DPYD: variants seen among roughly 807,000 people sequenced by gnomAD.
DPYD encodes the protein dihydropyrimidine dehydrogenase [NADP(+)].
A neutral mutation model predicts 116.2 loss-of-function variants in DPYD; 109 were observed. That is an observed-to-expected ratio of 0.94 (90% CI 0.80 to 1.10). The LOEUF (loss-of-function observed/expected upper bound fraction) is 1.10. DPYD is among the 50% of genes least tolerant of loss of function. The pLI, the probability that DPYD is intolerant of heterozygous loss-of-function variation, is 0.00. For synonymous variants in DPYD, 440 were observed against 432.0 expected, an observed-to-expected ratio of 1.02 and a Z score of -0.23; for missense variants, 1,302 against 1,254.5, an observed-to-expected ratio of 1.04 and a Z score of -0.57.
At chr1:97,572,387 C>A (rs919295695) in intron 11 of DPYD, among the ~76,000 whole-genome samples, 3 of 151,894 alleles carry the variant, frequency 2.0e-5, no homozygotes, top group South Asian at 4.1e-4. Flanking sequence ...GTTTTCTGAG[C>A]CAAATCTGTT....
chr1:97,135,169 A>G (rs546208626), intron 20 of DPYD, among the ~76,000 whole-genome samples: 3 of 152,288 alleles, frequency 2.0e-5, no homozygotes, highest in East Asian at 3.9e-4. Flanking sequence ...GAGTTGATTT[A>G]GCTAATCCTT....
intron 3 of DPYD, among the ~76,000 whole-genome samples, chr1:97,810,428 T>G (rs1456841331): frequency 6.6e-6 from 1 of 152,070 alleles, no homozygotes; most frequent in Non-Finnish European, 1.5e-5. Flanking sequence ...TCCCTTTAAT[T>G]ACACATTAAA....
chr1:97,444,301 G>C (rs1675955520), intron 14 of DPYD, among the ~76,000 whole-genome samples: 1 of 152,116 alleles, frequency 6.6e-6, no homozygotes. Flanking sequence ...GTAATGGAAA[G>C]CCTTCCTGGC....
intron 7 of DPYD, among the ~76,000 whole-genome samples, chr1:97,686,497 C>T (rs112203267): frequency 6.6e-6 from 1 of 151,256 alleles, no homozygotes; most frequent in African/African-American, 2.4e-5. Flanking sequence ...ATTAGCCGGG[C>T]GTGGTAGCGG....
In DPYD at chr1:97,847,084, G is replaced by C. The variant is rs183305425; in HGVS notation, c.151-18888C>G. Among the ~76,000 whole-genome samples, 24 of 152,242 alleles carry C rather than the reference G, an allele frequency of 1.6e-4. No homozygotes were observed. In the East Asian group the frequency reaches 4.6e-3, roughly 29 times the overall value. On this transcript the variant is annotated intron_variant, in intron 2 of 22. Transcript: ENST00000370192. Reference sequence around the variant, plus strand: ...TCATTTATTTCCAACGGATTGCCATGAATTTAGAACTGGACTATGTGAATT... The same window carrying C: ...TCATTTATTTCCAACGGATTGCCATCAATTTAGAACTGGACTATGTGAATT...
At chr1:97,356,612 C>G (rs954332796) in intron 16 of DPYD, among the ~76,000 whole-genome samples, 3 of 152,172 alleles carry the variant, frequency 2.0e-5, no homozygotes, top group African/African-American at 7.2e-5. Flanking sequence ...ATATTGTGCA[C>G]TTTTTCTCCT....
At chr1:97,164,253 A>T (rs895890754) in intron 20 of DPYD, among the ~76,000 whole-genome samples, 1 of 152,212 alleles carries the variant, frequency 6.6e-6, no homozygotes, top group Non-Finnish European at 1.5e-5. Context: ...CTCTCAATAA[A>T]CTAGGTATTG....
intron 19 of DPYD, among the ~76,000 whole-genome samples, chr1:97,221,059 A>G (rs1660739560): frequency 6.6e-6 from 1 of 152,230 alleles, no homozygotes; most frequent in Non-Finnish European, 1.5e-5. Flanking sequence ...AAGAATGTTC[A>G]GAATTCAAAA....
In DPYD at chr1:97,863,309, G is replaced by C. The variant is rs144483395; in HGVS notation, c.150+19955C>G. ...CTATAAAGTAAAGGTCTGAAAAAGG[G>C]AAGGGAAACAGCAGTTACTATTTGG... On this transcript the variant is annotated intron_variant, in intron 2 of 22. Transcript: ENST00000370192. 7.0e-3 allele frequency among the ~76,000 whole-genome samples: 1,063 copies of C among 152,014 alleles called. 10 individuals carry two copies. Among genetic ancestry groups the C allele is most frequent in the Non-Finnish European group, 0.012 (801 of 67,906 alleles).
At chr1:97,830,085 TTTTTATGGCTGCAA>T (rs1424824413) in intron 2 of DPYD, among the ~76,000 whole-genome samples, 6 of 152,186 alleles carry the variant, frequency 3.9e-5, no homozygotes. Flanking sequence ...AATTCATCCT[TTTTTATGGCTGCAA>T]AGTATTCCAT....
At chr1:97,239,060 T>C (rs1251761412) in intron 18 of DPYD, among the ~76,000 whole-genome samples, 1 of 152,220 alleles carries the variant, frequency 6.6e-6, no homozygotes, top group African/African-American at 2.4e-5. Context: ...TTGCATTATG[T>C]GGCTCTTGTG....
chr1:97,635,828 CTTT>C (rs1019944874), intron 8 of DPYD, among the ~76,000 whole-genome samples: 2 of 152,024 alleles, frequency 1.3e-5, no homozygotes, highest in African/African-American at 4.8e-5. Flanking sequence ...TTGTTTGCTT[CTTT>C]GTTTTTGAGA....
chr1:97,621,923 T>C (rs1218583105), intron 8 of DPYD, among the ~76,000 whole-genome samples: 1 of 151,948 alleles, frequency 6.6e-6, no homozygotes, highest in East Asian at 1.9e-4. Context: ...GCCAGAACAA[T>C]TTGAGCAACA....
At chr1:97,690,848 A>C (rs1213564183) in intron 7 of DPYD, among the ~76,000 whole-genome samples, 1 of 152,062 alleles carries the variant, frequency 6.6e-6, no homozygotes, top group Non-Finnish European at 1.5e-5. Context: ...GCCACTGTCA[A>C]TTAAAACGTA....
In DPYD at chr1:97,160,234, A is replaced by G. The variant is rs1048769485; in HGVS notation, c.2622+32835T>C. On this transcript the variant is annotated intron_variant, in intron 20 of 22. Coordinates refer to ENST00000370192, the MANE Select transcript of DPYD (RefSeq NM_000110.4). ...AATTAAAGCAGAAAATTATTTTATA[A>G]AAATAGGTGAAAAAGAAAAACAACA... Among the ~76,000 whole-genome samples, 6 of 152,102 alleles carry G rather than the reference A, an allele frequency of 3.9e-5. No individual in the cohort carries two copies. The South Asian group carries it at 1.0e-3, about 26-fold the overall frequency.
At chr1:97,405,729 G>T (rs754127792) in intron 14 of DPYD, among the ~76,000 whole-genome samples, 2 of 152,030 alleles carry the variant, frequency 1.3e-5, no homozygotes, top group Non-Finnish European at 2.9e-5. Flanking sequence ...TGGCCAGGCT[G>T]GTCTCTTAAA....
chr1:97,333,186 T>G (rs1277513505), intron 16 of DPYD, among the ~76,000 whole-genome samples: 1 of 151,694 alleles, frequency 6.6e-6, no homozygotes, highest in Non-Finnish European at 1.5e-5. Flanking sequence ...GGCTCCCAAG[T>G]AGCTGGGACT....
intron 14 of DPYD, among the ~76,000 whole-genome samples, chr1:97,413,844 C>G (rs1002148116): frequency 7.9e-5 from 12 of 151,724 alleles, no homozygotes; most frequent in South Asian, 2.1e-4. Context: ...TTTTTTTCAA[C>G]ATATTTTCAT....
chr1:97,748,540 CGGAGGTTGCAAT>C (rs1436150551), intron 3 of DPYD, among the ~76,000 whole-genome samples: 2 of 151,892 alleles, frequency 1.3e-5, no homozygotes, highest in Admixed American at 1.3e-4. Context: ...ACCTGGGAGG[CGGAGGTTGCAAT>C]GAGCTGAGAT....
Sources: gnomAD v4.1 joint callset for allele counts (sites outside exome capture counted in the v4.1 genomes callset) on GRCh38, gnomAD v4.1.1 for gene constraint, MANE v1.5 for transcripts, NCBI Gene and HGNC (gene_info 2026-07-23, HGNC 2026-07-21) for gene names.